Variants in RBM20 observed in about 807,000 individuals in gnomAD.
RBM20 encodes the protein RNA-binding protein 20.
A neutral mutation model predicts 110.1 loss-of-function variants in RBM20; 51 were observed. The observed-to-expected ratio is 0.46, with a 90% CI of 0.37 to 0.59. The LOEUF (loss-of-function observed/expected upper bound fraction) is 0.59. Among genes scored for constraint, RBM20 ranks in the 20% least tolerant of loss-of-function variants. The pLI is 0.00. For missense variants in RBM20, 1,512 were observed against 1,574.9 expected, an observed-to-expected ratio of 0.96 and a Z score of 0.68; for synonymous variants, 589 against 618.2, an observed-to-expected ratio of 0.95 and a Z score of 0.70.
intron 1 of RBM20, among the ~76,000 whole-genome samples, chr10:110,714,703 G>A (rs1328149245): frequency 6.6e-6 from 1 of 152,188 alleles, no homozygotes; most frequent in South Asian, 2.1e-4. Flanking sequence ...ACCAGGTGAG[G>A]CAGTCCTTCC....
At chr10:110,763,655 G>C (rs528283916) in intron 1 of RBM20, among the ~76,000 whole-genome samples, 1 of 151,986 alleles carries the variant, frequency 6.6e-6, no homozygotes, top group East Asian at 1.9e-4. Flanking sequence ...GAGAACGGTG[G>C]CTCCTCGGAA....
At chr10:110,775,309 T>C (rs550927909) in intron 1 of RBM20, among the ~76,000 whole-genome samples, 2 of 152,210 alleles carry the variant, frequency 1.3e-5, no homozygotes, top group East Asian at 1.9e-4. Context: ...TGGAAGTGAA[T>C]TTAAATTCCT....
At position 110,691,772 on chromosome 10, in the gene RBM20, T is replaced by C. The variant is rs79872110; in HGVS notation, c.191+47127T>C. On this transcript the variant is annotated intron_variant, in intron 1 of 13. Coordinates refer to ENST00000369519, the MANE Select transcript of RBM20 (RefSeq NM_001134363.3). ...TCCTTTAATGCATGAAAGTTTTTAATTTTTATGAACTTCAATTTATTTCTT... is the reference window on the plus strand; with the variant it reads ...TCCTTTAATGCATGAAAGTTTTTAACTTTTATGAACTTCAATTTATTTCTT... 5.0e-3 allele frequency among the ~76,000 whole-genome samples: 758 copies of C among 152,336 alleles called. 5 individuals carry two copies. Among genetic ancestry groups the C allele is most frequent in the African/African-American group, 0.017 (723 of 41,576 alleles).
At position 110,781,132 on chromosome 10, in the gene RBM20, A is replaced by C. The variant is rs553309602; in HGVS notation, c.523A>C (p.Ser175Arg). 6.4e-7 allele frequency: 1 copy of C among 1,551,550 alleles called. No individual in the cohort carries two copies. Among genetic ancestry groups the C allele is most frequent in the East Asian group, 2.4e-5 (1 of 40,918 alleles). ...PSNAIAFSPP[S>R]QTRGPGPSMN... ...TAATGCAATTGCCTTTTCACCCCCCAGCCAGACACGAGGCCCCGGACCCTC... is the reference window on the plus strand; with the variant it reads ...TAATGCAATTGCCTTTTCACCCCCCCGCCAGACACGAGGCCCCGGACCCTC... Residue 175 changes from serine to arginine, a missense_variant, in exon 2 of 14, where the codon AGC (serine) becomes CGC (arginine). By Grantham distance (110) the Ser-to-Arg change is moderately radical (BLOSUM62 -1). Transcript: ENST00000369519.
At chr10:110,806,636 C>T (rs139852843) in intron 7 of RBM20, among the ~76,000 whole-genome samples, 13 of 152,334 alleles carry the variant, frequency 8.5e-5, no homozygotes, top group African/African-American at 2.9e-4. Flanking sequence ...GACACAGAAC[C>T]AAACCATATC....
At chr10:110,721,091 G>A (rs1843499484) in intron 1 of RBM20, among the ~76,000 whole-genome samples, 1 of 152,158 alleles carries the variant, frequency 6.6e-6, no homozygotes, top group Admixed American at 6.5e-5. Context: ...CACATGGAGA[G>A]GCCTTCCCTG....
intron 1 of RBM20, among the ~76,000 whole-genome samples, chr10:110,767,195 G>A (rs1475713723): frequency 1.5e-5 from 2 of 135,594 alleles, no homozygotes; most frequent in Non-Finnish European, 3.3e-5. Flanking sequence ...CAGACGGGGC[G>A]GCTGGCCGGG....
Position 110,821,942 on chromosome 10 carries a change from A to C in RBM20, c.3316+7A>C, listed in dbSNP as rs1357286246. On this transcript the variant is annotated splice_region_variant and intron_variant, in intron 11 of 13. Transcript: ENST00000369519. ...CAAGAAGTGTTGACCCCGGGTAACTATCTCCCCTTTCCTCACGGGTGGTCG... is the reference window on the plus strand; with the variant it reads ...CAAGAAGTGTTGACCCCGGGTAACTCTCTCCCCTTTCCTCACGGGTGGTCG... 1.9e-6 allele frequency: 3 copies of C among 1,551,264 alleles called. No homozygotes were observed. The highest frequency in any genetic ancestry group is 1.7e-6 in the Non-Finnish European group (2 of 1,146,876).
At chr10:110,735,424 G>A (rs531283902) in intron 1 of RBM20, among the ~76,000 whole-genome samples, 80 of 152,272 alleles carry the variant, frequency 5.3e-4, no homozygotes, top group African/African-American at 1.9e-3. Flanking sequence ...ATGTGTCTCT[G>A]AAGAGATTGT....
intron 1 of RBM20, among the ~76,000 whole-genome samples, chr10:110,695,072 C>G (rs965593289): frequency 6.6e-6 from 1 of 152,156 alleles, no homozygotes; most frequent in South Asian, 2.1e-4. Flanking sequence ...TCTTAAAACT[C>G]TGCCACAGGA....
chr10:110,752,627 A>G (rs1365965838), intron 1 of RBM20, among the ~76,000 whole-genome samples: 2 of 152,136 alleles, frequency 1.3e-5, no homozygotes, highest in African/African-American at 2.4e-5. Context: ...TTTTTTTCCA[A>G]TGATTTTTCA....
At chr10:110,817,082 A>G (rs1013699121) in intron 9 of RBM20, among the ~76,000 whole-genome samples, 28 of 152,226 alleles carry the variant, frequency 1.8e-4, no homozygotes, top group African/African-American at 6.8e-4. Context: ...AAACACTGCT[A>G]CATCCTACTG....
intron 1 of RBM20, among the ~76,000 whole-genome samples, chr10:110,660,883 C>CA (rs2134823469): frequency 6.6e-6 from 1 of 152,032 alleles, no homozygotes; most frequent in South Asian, 2.1e-4. Flanking sequence ...AATTGTCTTC[C>CA]AAAAAACTGG....
At chr10:110,691,325 T>C (rs1336490852) in intron 1 of RBM20, among the ~76,000 whole-genome samples, 1 of 152,220 alleles carries the variant, frequency 6.6e-6, no homozygotes, top group African/African-American at 2.4e-5. Flanking sequence ...AATATGATAA[T>C]TCTGTGGTTA....
At chr10:110,717,966 G>A (rs929050599) in intron 1 of RBM20, among the ~76,000 whole-genome samples, 1 of 152,364 alleles carries the variant, frequency 6.6e-6, no homozygotes, top group Non-Finnish European at 1.5e-5. Flanking sequence ...CACATGGGCT[G>A]CCTAGAAAGA....
At chr10:110,752,256 C>A (rs192099717) in intron 1 of RBM20, among the ~76,000 whole-genome samples, 1 of 152,340 alleles carries the variant, frequency 6.6e-6, no homozygotes, top group East Asian at 1.9e-4. Context: ...CTCTATAGTT[C>A]TGCCTTTTCC....
chr10:110,805,558 A>G (rs1844683669), intron 7 of RBM20, among the ~76,000 whole-genome samples: 1 of 152,244 alleles, frequency 6.6e-6, no homozygotes, highest in East Asian at 1.9e-4. Context: ...GTAGCCTGCC[A>G]TGCCCTGAGG....
chr10:110,831,446 T>C (rs1845050605), intron 13 of RBM20: 1 of 381,310 alleles, frequency 2.6e-6, no homozygotes, highest in Non-Finnish European at 4.9e-6. Flanking sequence ...GGTGGCTACC[T>C]CCTGTGTTGC....
At chr10:110,813,560 C>T (rs1844802711) in intron 9 of RBM20, among the ~76,000 whole-genome samples, 1 of 152,146 alleles carries the variant, frequency 6.6e-6, no homozygotes, top group African/African-American at 2.4e-5. Flanking sequence ...GGTGGCTGGG[C>T]ACAGTGGCTC....
Sources: allele counts gnomAD v4.1 joint callset (sites outside exome capture counted in the v4.1 genomes callset), GRCh38; gene constraint gnomAD v4.1.1; transcripts MANE v1.5; gene names NCBI Gene and HGNC (gene_info 2026-07-23, HGNC 2026-07-21).